Variants in RHBDL2 observed in about 807,000 individuals in gnomAD.
The protein encoded by RHBDL2 is rhomboid like 2.
In RHBDL2, 26 loss-of-function variants were observed where a neutral mutation model predicts 31.7. The observed-to-expected ratio is 0.82, with a 90% confidence interval of 0.60 to 1.14. The LOEUF is 1.14. Among genes scored for constraint, RHBDL2 ranks in the 50% most tolerant of loss-of-function variants. The pLI, the probability that RHBDL2 is intolerant of heterozygous loss-of-function variation, is 0.00. For synonymous variants in RHBDL2, 123 were observed against 127.2 expected (o/e 0.97, Z 0.22); for missense variants, 336 against 364.4 (o/e 0.92, Z 0.63).
chr1:38,921,566 C>G (rs1195350566), intron 1 of RHBDL2, among the ~76,000 whole-genome samples: 1 of 152,100 alleles, frequency 6.6e-6, no homozygotes, highest in East Asian at 1.9e-4. Context: ...AACTGATTTT[C>G]AAATGAAACT....
intron 2 of RHBDL2, among the ~76,000 whole-genome samples, chr1:38,916,591 T>C (rs970096958): frequency 3.2e-4 from 49 of 152,100 alleles, no homozygotes; most frequent in African/African-American, 1.2e-3. Context: ...ATGCCTATAG[T>C]CCCAGCCCTT....
chr1:38,896,718 A>T (rs1029952857), intron 4 of RHBDL2, among the ~76,000 whole-genome samples: 5 of 152,224 alleles, frequency 3.3e-5, no homozygotes, highest in African/African-American at 9.6e-5. Flanking sequence ...CCCAAGCAAG[A>T]TGAATCCTAA....
chr1:38,940,740 T>A (rs1193172696), intron 1 of RHBDL2, among the ~76,000 whole-genome samples: 1 of 152,180 alleles, frequency 6.6e-6, no homozygotes. Context: ...TTCCCTGTCA[T>A]CTTCATAAAA....
chr1:38,887,543 G>C (rs984075121), intron 7 of RHBDL2, among the ~76,000 whole-genome samples: 4 of 152,178 alleles, frequency 2.6e-5, no homozygotes, highest in Admixed American at 6.5e-5. Flanking sequence ...TCCTGCCTCA[G>C]CTTCCCGAGT....
intron 1 of RHBDL2, among the ~76,000 whole-genome samples, chr1:38,938,138 C>T (rs1181503418): frequency 1.3e-5 from 2 of 152,054 alleles, no homozygotes; most frequent in African/African-American, 4.8e-5. Context: ...CTCCCTCAAC[C>T]TCCAGAGTGG....
chr1:38,899,435 G>T (rs571495642), intron 4 of RHBDL2, among the ~76,000 whole-genome samples: 1 of 152,162 alleles, frequency 6.6e-6, no homozygotes, highest in African/African-American at 2.4e-5. Flanking sequence ...AAGATGGGGG[G>T]CAGTTTCTCA....
intron 6 of RHBDL2, among the ~76,000 whole-genome samples, chr1:38,890,817 C>T (rs1223992451): frequency 6.6e-6 from 1 of 152,056 alleles, no homozygotes; most frequent in African/African-American, 2.4e-5. Context: ...TCTCCCACCT[C>T]AGCCTCCTGA....
chr1:38,895,688 C>T (rs1176643979), intron 5 of RHBDL2, among the ~76,000 whole-genome samples: 1 of 152,048 alleles, frequency 6.6e-6, no homozygotes, highest in Non-Finnish European at 1.5e-5. Context: ...CCTGTAGTCC[C>T]AGCTATTTAG....
rs1642779060 is a variant in RHBDL2, at chr1:38,886,085, G to C, written c.*419C>G. The C allele has an allele frequency of 6.6e-6, 1 of 152,336 alleles. No individual in the cohort carries two copies. The highest frequency in any genetic ancestry group is 2.4e-5 in the African/African-American group (1 of 41,420). The allele number at this position is 152,336 out of a possible 1,614,324, so 9.4% of individuals were successfully genotyped here. ...CCTGCCTCAGCCTCGCAAGTAGCTG[G>C]GACTACAGGCACACGCCACCACGCC... On this transcript the variant is annotated 3_prime_UTR_variant, in exon 8 of 8. Transcript: ENST00000372990.
intron 4 of RHBDL2, among the ~76,000 whole-genome samples, chr1:38,910,748 CTTTT>C (rs1643127326): frequency 7.7e-6 from 1 of 129,888 alleles, no homozygotes. Flanking sequence ...TTCTTTATTC[CTTTT>C]CTTTTTTTTT....
At chr1:38,895,258 A>G (rs888354722) in intron 5 of RHBDL2, among the ~76,000 whole-genome samples, 6 of 152,170 alleles carry the variant, frequency 3.9e-5, no homozygotes, top group African/African-American at 1.4e-4. Context: ...ATACATGTAG[A>G]AAAAGGTCTG....
At chr1:38,888,173 C>G in intron 6 of RHBDL2, 149 bp from the exon 7 acceptor site, 1 of 592,040 alleles carries the variant, frequency 1.7e-6, no homozygotes, top group East Asian at 2.9e-5. Context: ...TCTTTTAACT[C>G]ATTAATCTTC....
chr1:38,922,272 T>C (rs1015537382), intron 1 of RHBDL2, among the ~76,000 whole-genome samples: 2 of 146,864 alleles, frequency 1.4e-5, no homozygotes, highest in East Asian at 4.0e-4. Context: ...GGGGTTTTTT[T>C]ATTTAATTTT....
At chr1:38,910,496 C>T (rs1643124728) in intron 4 of RHBDL2, among the ~76,000 whole-genome samples, 1 of 152,128 alleles carries the variant, frequency 6.6e-6, no homozygotes, top group Admixed American at 6.5e-5. Context: ...ATTTTCTTCC[C>T]ATGCCATAAT....
At chr1:38,938,575 C>T (rs1570946562) in intron 1 of RHBDL2, among the ~76,000 whole-genome samples, 1 of 152,124 alleles carries the variant, frequency 6.6e-6, no homozygotes, top group Non-Finnish European at 1.5e-5. Flanking sequence ...GAAGTATTAA[C>T]ACCCCCTTTA....
intron 1 of RHBDL2, among the ~76,000 whole-genome samples, chr1:38,924,368 G>A (rs2124345248): frequency 6.6e-6 from 1 of 152,240 alleles, no homozygotes; most frequent in East Asian, 1.9e-4. Context: ...GCGGAGGCAG[G>A]CGGATCACAA....
At chr1:38,907,385 CA>C (rs1354940066) in intron 4 of RHBDL2, among the ~76,000 whole-genome samples, 1 of 151,988 alleles carries the variant, frequency 6.6e-6, no homozygotes, top group African/African-American at 2.4e-5. Context: ...AATAAAAATA[CA>C]AAAATTAGCC....
intron 1 of RHBDL2, among the ~76,000 whole-genome samples, chr1:38,940,416 A>G (rs1643548835): frequency 6.6e-6 from 1 of 152,032 alleles, no homozygotes; most frequent in Non-Finnish European, 1.5e-5. Flanking sequence ...TTTATTGCCC[A>G]GGCTGGTCTC....
At chr1:38,891,808 C>T (rs1029994388) in intron 6 of RHBDL2, among the ~76,000 whole-genome samples, 2 of 152,186 alleles carry the variant, frequency 1.3e-5, no homozygotes. Context: ...ATTGCAAAAT[C>T]CTGTTTTCTT....
Sources: gnomAD v4.1 joint callset for allele counts (sites outside exome capture counted in the v4.1 genomes callset) on GRCh38, gnomAD v4.1.1 for gene constraint, MANE v1.5 for transcripts, NCBI Gene and HGNC (gene_info 2026-07-23, HGNC 2026-07-21) for gene names.